Variants in GALNTL6 observed in about 807,000 individuals in gnomAD.
GALNTL6 encodes the protein polypeptide N-acetylgalactosaminyltransferase-like 6.
In GALNTL6, 46 loss-of-function variants were observed where a neutral mutation model predicts 73.7. The ratio of observed to expected loss-of-function variants is 0.62; its 90% CI spans 0.49 to 0.80. The LOEUF (loss-of-function observed/expected upper bound fraction) is 0.80. Among genes scored for constraint, GALNTL6 ranks in the 30% least tolerant of loss-of-function variants. The pLI is 0.00. For missense variants in GALNTL6, 604 were observed against 755.0 expected (o/e 0.80, Z 2.34); for synonymous variants, 259 against 263.7 (o/e 0.98, Z 0.17).
At chr4:172,004,459 T>C (rs1484617680) in intron 2 of GALNTL6, among the ~76,000 whole-genome samples, 3 of 152,102 alleles carry the variant, frequency 2.0e-5, no homozygotes, top group Non-Finnish European at 2.9e-5. Context: ...TTCTACCTCC[T>C]GGATCCTTTC....
chr4:172,621,269 G>C (rs1738941101), intron 5 of GALNTL6, among the ~76,000 whole-genome samples: 1 of 152,132 alleles, frequency 6.6e-6, no homozygotes, highest in African/African-American at 2.4e-5. Flanking sequence ...TGCCCAGGCT[G>C]TTCTCAAACT....
chr4:172,105,490 GA>G (rs1279260663), intron 2 of GALNTL6, among the ~76,000 whole-genome samples: 1 of 151,582 alleles, frequency 6.6e-6, no homozygotes, highest in African/African-American at 2.4e-5. Flanking sequence ...TCATATTTAG[GA>G]AAAACACTCT....
chr4:172,121,483 G>A (rs1190704781), intron 2 of GALNTL6, among the ~76,000 whole-genome samples: 1 of 152,032 alleles, frequency 6.6e-6, no homozygotes, highest in Admixed American at 6.6e-5. Context: ...TTTTGATCAA[G>A]ATCTTTACCC....
chr4:172,024,780 A>C (rs1280095913), intron 2 of GALNTL6, among the ~76,000 whole-genome samples: 1 of 151,926 alleles, frequency 6.6e-6, no homozygotes, highest in East Asian at 1.9e-4. Context: ...TGAAAAACAC[A>C]GAAGTGCTAT....
intron 5 of GALNTL6, among the ~76,000 whole-genome samples, chr4:172,401,001 G>A (rs561490674): frequency 1.3e-5 from 2 of 152,230 alleles, no homozygotes; most frequent in African/African-American, 2.4e-5. Context: ...AAATCATCTA[G>A]CACAGAGAAG....
chr4:172,280,614 C>G (rs1460532818), intron 3 of GALNTL6, among the ~76,000 whole-genome samples: 1 of 151,750 alleles, frequency 6.6e-6, no homozygotes, highest in Non-Finnish European at 1.5e-5. Context: ...ACACAGTTTC[C>G]TAGATTTTAA....
At chr4:172,682,488 A>G (rs971126424) in intron 5 of GALNTL6, among the ~76,000 whole-genome samples, 5 of 152,218 alleles carry the variant, frequency 3.3e-5, no homozygotes, top group Non-Finnish European at 5.9e-5. Context: ...AAGACTTTGT[A>G]AACAAATTTG....
intron 5 of GALNTL6, among the ~76,000 whole-genome samples, chr4:172,555,294 G>T (rs1736103242): frequency 6.6e-6 from 1 of 152,078 alleles, no homozygotes; most frequent in African/African-American, 2.4e-5. Flanking sequence ...ATAAAATCTT[G>T]TATCTATACA....
intron 5 of GALNTL6, among the ~76,000 whole-genome samples, chr4:172,633,446 A>C (rs933054635): frequency 1.3e-5 from 2 of 152,144 alleles, no homozygotes; most frequent in Non-Finnish European, 2.9e-5. Flanking sequence ...TAGCCCCTTC[A>C]TTTTGGCCAA....
intron 2 of GALNTL6, among the ~76,000 whole-genome samples, chr4:172,152,572 C>T (rs142493734): frequency 9.2e-5 from 14 of 152,274 alleles, no homozygotes; most frequent in African/African-American, 1.2e-4. Context: ...GAATGAGTAA[C>T]GAAGAAAAGA....
intron 5 of GALNTL6, among the ~76,000 whole-genome samples, chr4:172,790,301 A>T (rs896903665): frequency 6.6e-6 from 1 of 152,194 alleles, no homozygotes. Flanking sequence ...CCTAACCCCA[A>T]TGTGACTGTA....
chr4:172,077,923 C>T (rs531947080), intron 2 of GALNTL6, among the ~76,000 whole-genome samples: 1 of 152,232 alleles, frequency 6.6e-6, no homozygotes, highest in Non-Finnish European at 1.5e-5. Context: ...AACCTCAGAA[C>T]AGGGCGCCCT....
At chr4:172,136,191 G>A (rs1489809437) in intron 2 of GALNTL6, among the ~76,000 whole-genome samples, 1 of 151,926 alleles carries the variant, frequency 6.6e-6, no homozygotes, top group Non-Finnish European at 1.5e-5. Flanking sequence ...TCACATTATT[G>A]AAGTCAGTAG....
intron 8 of GALNTL6, among the ~76,000 whole-genome samples, chr4:172,901,030 C>T (rs1013234958): frequency 1.1e-4 from 16 of 152,152 alleles, no homozygotes; most frequent in East Asian, 5.8e-4. Context: ...TCATTCTGAA[C>T]GATATAATTG....
chr4:171,850,250 A>T (rs957560961), intron 2 of GALNTL6, among the ~76,000 whole-genome samples: 3 of 152,140 alleles, frequency 2.0e-5, no homozygotes, highest in African/African-American at 7.2e-5. Flanking sequence ...GGGATTAAAA[A>T]TTTAACATTT....
chr4:172,096,084 C>CTGTGTGTGTGTGTG (rs138495979), intron 2 of GALNTL6, among the ~76,000 whole-genome samples: 207 of 147,182 alleles, frequency 1.4e-3, no homozygotes, highest in African/African-American at 4.2e-3. Context: ...CTCTCTCTTT[C>CTGTGTGTGTGTGTG]TGTGTGTGTG....
rs138322152 is a variant in GALNTL6, at chr4:172,952,937, G to A, written c.1371+679G>A. Among the ~76,000 whole-genome samples, 9 of 152,322 alleles carry A rather than the reference G, an allele frequency of 5.9e-5. No individual in the cohort carries two copies. The East Asian group carries it at 1.7e-3, about 29-fold the overall frequency. On this transcript the variant is annotated intron_variant, in intron 10 of 12. Coordinates refer to ENST00000506823, the MANE Select transcript of GALNTL6 (RefSeq NM_001034845.3). ...GCGTAAATATGGGCACCTGATATAC[G>A]TGATAAAAACCCTCTGTCCTGGTGC...
chr4:171,979,708 C>T (rs1195039327), intron 2 of GALNTL6, among the ~76,000 whole-genome samples: 2 of 152,144 alleles, frequency 1.3e-5, no homozygotes, highest in East Asian at 3.9e-4. Flanking sequence ...GGCTATAGCA[C>T]ATATCAGGGA....
At chr4:172,436,537 A>G (rs980399683) in intron 5 of GALNTL6, among the ~76,000 whole-genome samples, 8 of 152,118 alleles carry the variant, frequency 5.3e-5, no homozygotes, top group African/African-American at 1.9e-4. Context: ...GTTTTCACTT[A>G]AACAAGTAGA....
Sources: allele counts gnomAD v4.1 joint callset (sites outside exome capture counted in the v4.1 genomes callset), GRCh38; gene constraint gnomAD v4.1.1; transcripts MANE v1.5; gene names NCBI Gene and HGNC (gene_info 2026-07-23, HGNC 2026-07-21).